The following GGT7 variants were observed in gnomAD, a reference collection of about 807,000 sequenced individuals.
GGT7 encodes gamma-glutamyltransferase 7.
GGT7 carries 30 observed loss-of-function variants against 69.2 expected under a neutral mutation model. The observed-to-expected ratio is 0.43, with a 90% confidence interval of 0.32 to 0.59. GGT7 has a LOEUF of 0.59. Ranked by LOEUF, GGT7 falls within the 20% of genes least tolerant of loss-of-function variation. GGT7 has a pLI of 0.05. For missense variants in GGT7, 733 were observed against 901.1 expected (o/e 0.81, Z 2.39); for synonymous variants, 388 against 391.8 (o/e 0.99, Z 0.12).
chr20:34,864,332 T>C (rs1013107572), intron 1 of GGT7, among the ~76,000 whole-genome samples: 2 of 151,298 alleles, frequency 1.3e-5, no homozygotes. Context: ...GGCCCTAAAG[T>C]GGGAATGAGC....
Position 34,845,147 on chromosome 20 carries a change from AC to A in GGT7, c.*180del. 1 of 306,380 alleles carries A rather than the reference AC, an allele frequency of 3.3e-6. No individual in the cohort carries two copies. The highest frequency in any genetic ancestry group is 6.1e-6 in the Non-Finnish European group (1 of 163,270). The allele number at this position is 306,380 out of a possible 1,614,324, so 19.0% of individuals were successfully genotyped here. Reference sequence around the variant, plus strand: ...CACCACCACCACCACCACCACCACCACCACCACAGGCCTCCTGATGGAGAAT... The same window carrying A: ...CACCACCACCACCACCACCACCACCACACCACAGGCCTCCTGATGGAGAAT... On this transcript the variant is annotated 3_prime_UTR_variant, in exon 15 of 15. Coordinates refer to ENST00000336431, the MANE Select transcript of GGT7 (RefSeq NM_178026.3).
chr20:34,849,877 G>A (rs949225361), intron 14 of GGT7, 84 bp downstream of exon 14: 8 of 739,288 alleles, frequency 1.1e-5, no homozygotes, highest in Middle Eastern at 3.9e-4. Context: ...AGTTGGTGCT[G>A]GTTGAGGCAT....
chr20:34,849,045 G>A (rs1392113405), intron 14 of GGT7, among the ~76,000 whole-genome samples: 2 of 151,934 alleles, frequency 1.3e-5, no homozygotes, highest in Non-Finnish European at 2.9e-5. Flanking sequence ...TGCTTACCTT[G>A]GTCTCCTTTT....
chr20:34,851,196 C>T (rs375222269), intron 13 of GGT7, 35 bp downstream of exon 13: 48 of 1,608,976 alleles, frequency 3.0e-5, no homozygotes, highest in African/African-American at 4.0e-5. Flanking sequence ...GCTTGGCTCC[C>T]GGCTGAAAAA....
chr20:34,855,156 T>C (rs1286455174), intron 8 of GGT7, among the ~76,000 whole-genome samples: 2 of 152,146 alleles, frequency 1.3e-5, no homozygotes, highest in Non-Finnish European at 1.5e-5. Flanking sequence ...CCTCTGCCAT[T>C]TGAGAAAACT....
intron 1 of GGT7, among the ~76,000 whole-genome samples, chr20:34,869,634 G>A (rs73902697): frequency 0.08 from 12,195 of 152,108 alleles, 1,692 homozygotes; most frequent in African/African-American, 0.28. Context: ...GTGATGACAG[G>A]GATGATGAGT....
At chr20:34,854,389 C>T in intron 10 of GGT7, 142 bp downstream of exon 10, 1 of 610,804 alleles carries the variant, frequency 1.6e-6, no homozygotes, top group Non-Finnish European at 2.9e-6. Context: ...GAGAGGCACC[C>T]AGTGTCACGT....
rs1232504326 is a variant in GGT7, at chr20:34,863,520, C to A, written c.198G>T (p.Arg66=). Residue 66 remains arginine (R), a synonymous_variant, in exon 2 of 15, where the codon CGG becomes CGT. Transcript: ENST00000336431. This position sits in a 1 kb window ranked among gnomAD's most constrained non-coding sequence, Gnocchi z 4.4. ...ACGACGACGATGGCAGCCGCTGCAGCCGTGCAGACTTCAGGAAGGAGTCCG... is the reference window on the plus strand; with the variant it reads ...ACGACGACGATGGCAGCCGCTGCAGACGTGCAGACTTCAGGAAGGAGTCCG... ...TDPDSFLKSA[R]LQRLPSSSSE... is the part of the protein sequence containing the mutation. 6.3e-7 allele frequency: 1 copy of A among 1,593,014 alleles called. No individual in the cohort carries two copies. The highest frequency in any genetic ancestry group is 8.5e-7 in the Non-Finnish European group (1 of 1,169,994).
intron 5 of GGT7, 53 bp downstream of exon 5, chr20:34,860,201 C>A: frequency 7.3e-7 from 1 of 1,365,630 alleles, no homozygotes; most frequent in Admixed American, 1.7e-5. Context: ...GAGAAGGCCA[C>A]CCAAGGAGAG....
At chr20:34,867,311 C>T (rs1354844546) in intron 1 of GGT7, among the ~76,000 whole-genome samples, 1 of 152,124 alleles carries the variant, frequency 6.6e-6, no homozygotes, top group Non-Finnish European at 1.5e-5. Flanking sequence ...ACATATATTC[C>T]TTTATTGAAG....
rs547561772 is a variant in GGT7 at position 34,857,843 on chromosome 20, T to A, written c.1015-950A>T. Among the ~76,000 whole-genome samples the A allele has an allele frequency of 2.7e-4, 41 of 152,240 alleles. No individual in the cohort carries two copies. In the East Asian group the frequency reaches 2.9e-3, roughly 11 times the overall value. ...TATGTTGCCCAGGCTGGTCTCAAAC[T>A]CCTGAGCTCAAGTGATCCACCCATC... is the stretch of plus-strand genomic sequence containing the variant. On this transcript the variant is annotated intron_variant, in intron 7 of 14. Coordinates refer to ENST00000336431, the MANE Select transcript of GGT7 (RefSeq NM_178026.3).
chr20:34,850,086 T>C, intron 13 of GGT7, 26 bp from the exon 14 acceptor site: 1 of 1,490,638 alleles, frequency 6.7e-7, no homozygotes, highest in Middle Eastern at 1.7e-4. Context: ...TACAGAAAAA[T>C]CAGGGCTGTC....
chr20:34,848,062 C>T (rs1170237851), intron 14 of GGT7, among the ~76,000 whole-genome samples: 1 of 152,178 alleles, frequency 6.6e-6, no homozygotes, highest in East Asian at 1.9e-4. Flanking sequence ...CACTGCACTC[C>T]AGCCTGGGTG....
At chr20:34,864,718 C>T (rs1402101071) in intron 1 of GGT7, among the ~76,000 whole-genome samples, 2 of 124,218 alleles carry the variant, frequency 1.6e-5, no homozygotes, top group Non-Finnish European at 3.4e-5. Flanking sequence ...GAGACTCTGT[C>T]TCAAAAGAAA....
intron 1 of GGT7, among the ~76,000 whole-genome samples, chr20:34,871,225 A>C (rs76698525): frequency 6.6e-6 from 1 of 152,308 alleles, no homozygotes; most frequent in Non-Finnish European, 1.5e-5. Flanking sequence ...GGCCAGAAGA[A>C]AACATGTCAG....
At chr20:34,854,733 G>T in intron 9 of GGT7, 63 bp downstream of exon 9, 3 of 1,605,448 alleles carry the variant, frequency 1.9e-6, no homozygotes, top group South Asian at 1.1e-5. Context: ...CCCTATGGCA[G>T]TACCCAATCT....
intron 1 of GGT7, among the ~76,000 whole-genome samples, chr20:34,871,527 C>T (rs1357759543): frequency 6.6e-6 from 1 of 152,212 alleles, no homozygotes; most frequent in Non-Finnish European, 1.5e-5. Context: ...TAAACTCCAT[C>T]TTCATTATCT....
intron 6 of GGT7, 92 bp from the exon 7 acceptor site, chr20:34,859,731 G>A: frequency 9.0e-7 from 1 of 1,105,052 alleles, no homozygotes; most frequent in Non-Finnish European, 1.3e-6. Flanking sequence ...GGGCTGAGTG[G>A]CCCACCCTAA....
chr20:34,863,528 A>T lies in GGT7; in HGVS notation c.190T>A (p.Ser64Thr), dbSNP rs1239966281. 1 of 1,588,044 alleles carries T rather than the reference A, an allele frequency of 6.3e-7. No homozygotes were observed. The highest frequency in any genetic ancestry group is 1.8e-5 in the Admixed American group (1 of 56,842). Residue 64 changes from serine (S) to threonine (T), a missense_variant, in exon 2 of 15, where the codon TCT becomes ACT. By Grantham distance (58) the Ser-to-Thr change is moderately conservative. Transcript: ENST00000336431. The surrounding 1 kb of genome is among the most constrained non-coding windows in gnomAD (Gnocchi z 4.4). ...PDTDPDSFLK[S>T]ARLQRLPSSS... ...GATGGCAGCCGCTGCAGCCGTGCAG[A>T]CTTCAGGAAGGAGTCCGGGTCTGCG...
Sources: allele counts gnomAD v4.1 joint callset (sites outside exome capture counted in the v4.1 genomes callset), GRCh38; gene constraint gnomAD v4.1.1; non-coding constraint Gnocchi (gnomAD v3.1); transcripts MANE v1.5; gene names NCBI Gene and HGNC (gene_info 2026-07-23, HGNC 2026-07-21).